Variants in CLN3 observed in about 807,000 individuals in gnomAD.
CLN3 encodes the protein CLN3 lysosomal/endosomal transmembrane protein, battenin, also known as battenin.
A neutral mutation model predicts 60.7 loss-of-function variants in CLN3; 49 were observed. The observed-to-expected ratio is 0.81, with a 90% confidence interval of 0.64 to 1.02. The LOEUF (loss-of-function observed/expected upper bound fraction) is 1.02, where lower values mean the gene tolerates loss of function less well. CLN3 is among the 50% of genes least tolerant of loss of function. The pLI is 0.00. For missense variants in CLN3, 516 were observed against 557.4 expected (o/e 0.93, Z 0.75); for synonymous variants, 256 against 245.8 (o/e 1.04, Z -0.39).
downstream of CLN3, among the ~76,000 whole-genome samples, chr16:28,470,838 G>C: frequency 7.5e-6 from 1 of 132,466 alleles, no homozygotes; most frequent in Non-Finnish European, 1.6e-5. Flanking sequence ...CGCGGGGCAA[G>C]GGAGCGTGAG....
In CLN3 at chr16:28,491,796, T is replaced by TA. The variant is rs775483589; in HGVS notation, c.-38dup. ...CAGGTCCCCCGAGGGTCCAGGGTCATAGAGTGTCCAAAGGGGGCTCCCACG... is the reference window on the plus strand; with the variant it reads ...CAGGTCCCCCGAGGGTCCAGGGTCATAAGAGTGTCCAAAGGGGGCTCCCACG... On this transcript the variant is annotated 5_prime_UTR_variant, in exon 2 of 16. Coordinates refer to ENST00000636147, the MANE Select transcript of CLN3 (RefSeq NM_001042432.2). 5.6e-6 allele frequency: 9 copies of TA among 1,611,616 alleles called. No homozygotes were observed. The highest frequency in any genetic ancestry group is 7.6e-6 in the Non-Finnish European group (9 of 1,179,674).
At chr16:28,488,760 T>G in intron 4 of CLN3, 98 bp from the exon 5 acceptor site, 1 of 1,228,326 alleles carries the variant, frequency 8.1e-7, no homozygotes, top group Non-Finnish European at 1.2e-6. Flanking sequence ...GAAGGATGGC[T>G]TTGGGTCAGC....
intron 13 of CLN3, 60 bp downstream of exon 13, chr16:28,482,267 T>G (rs1403538222): frequency 3.1e-6 from 5 of 1,604,266 alleles, no homozygotes; most frequent in Non-Finnish European, 4.3e-6. Context: ...CGGTGCCTAC[T>G]GGGCAGGGCA....
At chr16:28,482,740 G>C (rs949228853) in intron 10 of CLN3, 68 bp from the exon 11 acceptor site, 5 of 1,544,082 alleles carry the variant, frequency 3.2e-6, no homozygotes, top group Non-Finnish European at 4.5e-6. Context: ...AGAGGCACCG[G>C]TATGACAGAA....
At chr16:28,481,473 C>CA (rs1218647364) in intron 14 of CLN3, among the ~76,000 whole-genome samples, 35 of 151,030 alleles carry the variant, frequency 2.3e-4, no homozygotes, top group Non-Finnish European at 4.6e-4. Flanking sequence ...CACACACACA[C>CA]ACTACAAAAT....
intron 10 of CLN3, 53 bp from the exon 11 acceptor site, chr16:28,482,725 G>A (rs936325384): frequency 2.0e-5 from 31 of 1,580,014 alleles, no homozygotes; most frequent in African/African-American, 4.0e-5. Context: ...CTGAAGACTC[G>A]GCAAAGAGGC....
intron 10 of CLN3, among the ~76,000 whole-genome samples, 153 bp downstream of exon 10, chr16:28,483,853 C>T (rs959040866): frequency 2.0e-5 from 3 of 151,562 alleles, no homozygotes; most frequent in Admixed American, 6.6e-5. Flanking sequence ...CCACTGTGCT[C>T]GTCCTCAACA....
intron 14 of CLN3, among the ~76,000 whole-genome samples, chr16:28,478,890 C>T (rs1305907927): frequency 1.3e-5 from 2 of 152,236 alleles, no homozygotes; most frequent in African/African-American, 4.8e-5. Flanking sequence ...TTGGAAAAAC[C>T]GTTGGTTCAC....
chr16:28,487,684 C>A lies in CLN3; in HGVS notation c.352G>T (p.Gly118Cys). 1 of 1,613,908 alleles carries A rather than the reference C, an allele frequency of 6.2e-7. No homozygotes were observed. Among genetic ancestry groups the A allele is most frequent in the Non-Finnish European group, 8.5e-7 (1 of 1,179,926 alleles). ...GACCTGTAGGGCAGCAGGTGAAGGC[C>A]AAGAGGAGCCAACAATTTGATGACG... is the stretch of plus-strand genomic sequence containing the variant. ...TLVIKLLAPL[G>C]LHLLPYSPRV... Residue 118 changes from glycine to cysteine, a missense_variant, in exon 6 of 16, where the codon GGC becomes TGC. Transcript: ENST00000636147.
At chr16:28,488,419 C>A in intron 5 of CLN3, 172 bp downstream of exon 5, 1 of 586,928 alleles carries the variant, frequency 1.7e-6, no homozygotes. Context: ...AAGTGATCCT[C>A]CCACCTTGGT....
chr16:28,490,893 A>AC (rs2046303821), intron 3 of CLN3: 2 of 152,318 alleles, frequency 1.3e-5, no homozygotes, highest in Non-Finnish European at 2.9e-5. Context: ...CCATAGTGAG[A>AC]CCCCCATCTC....
downstream of CLN3, chr16:28,476,965 C>T (rs1251986484): frequency 5.8e-6 from 1 of 173,680 alleles, no homozygotes; most frequent in African/African-American, 2.4e-5. Context: ...GGCAAAATGT[C>T]GTCTGTACTA....
downstream of CLN3, chr16:28,474,004 A>C (rs2045971987): frequency 6.6e-6 from 1 of 152,152 alleles, no homozygotes; most frequent in Non-Finnish European, 1.5e-5. Context: ...ACGGTGGCTC[A>C]TGCCTGTAAT....
Position 28,482,372 on chromosome 16 carries a change from A to T in CLN3, c.917T>A (p.Leu306His). The T allele has an allele frequency of 6.2e-7, 1 of 1,614,008 alleles. No homozygotes were observed. Among genetic ancestry groups the T allele is most frequent in the Non-Finnish European group, 8.5e-7 (1 of 1,180,022 alleles). ...YFINQGLFELLFFWNTSLSHA... is the reference protein window; with the variant it reads ...YFINQGLFELHFFWNTSLSHA... ...ACTCAGGGAAGTGTTCCAGAAAAAG[A>T]GGAGTTCAAACTGCAACAAATACCA... The change falls in exon 13 of 16, where the codon CTC becomes CAC. Residue 306 changes from leucine (L) to histidine (H), a missense_variant. Physicochemically the swap from Leu to His is moderately conservative, Grantham distance 99 (BLOSUM62 -3). Transcript: ENST00000636147.
intron 14 of CLN3, among the ~76,000 whole-genome samples, chr16:28,479,250 A>C (rs984802262): frequency 2.0e-5 from 3 of 152,224 alleles, no homozygotes; most frequent in African/African-American, 7.2e-5. Flanking sequence ...AGAGGTCCTA[A>C]TTCATTAAAT....
At chr16:28,471,853 C>A (rs1408821523), downstream of CLN3, among the ~76,000 whole-genome samples, 2 of 151,896 alleles carry the variant, frequency 1.3e-5, no homozygotes, top group African/African-American at 2.4e-5. Flanking sequence ...AGTTGACCTT[C>A]ATGATTGACC....
intron 9 of CLN3, 180 bp from the exon 10 acceptor site, chr16:28,484,298 C>T: frequency 1.6e-6 from 1 of 630,802 alleles, no homozygotes; most frequent in Non-Finnish European, 2.8e-6. Context: ...ACAAAGGCTT[C>T]TTTCTTTGGA....
chr16:28,474,439 A>G (rs1265677810), downstream of CLN3, among the ~76,000 whole-genome samples: 1 of 152,054 alleles, frequency 6.6e-6, no homozygotes, highest in African/African-American at 2.4e-5. Flanking sequence ...CATCCTGCGC[A>G]ACAGAGCGAG....
chr16:28,470,175 C>T (rs2045935176), downstream of CLN3, among the ~76,000 whole-genome samples: 1 of 134,632 alleles, frequency 7.4e-6, no homozygotes. Flanking sequence ...CCAGGCCCGA[C>T]TAATCTTTTT....
Sources: gnomAD v4.1 joint callset for allele counts (sites outside exome capture counted in the v4.1 genomes callset) on GRCh38, gnomAD v4.1.1 for gene constraint, MANE v1.5 for transcripts, NCBI Gene and HGNC (gene_info 2026-07-23, HGNC 2026-07-21) for gene names.